The following CFH variants were observed in gnomAD, a reference collection of about 807,000 sequenced individuals.
The protein encoded by CFH is complement factor H.
A neutral mutation model predicts 147.3 loss-of-function variants in CFH; 53 were observed. The ratio of observed to expected loss-of-function variants is 0.36; its 90% CI spans 0.29 to 0.45. The LOEUF is 0.45. Ranked by LOEUF, CFH falls within the 20% of genes least tolerant of loss-of-function variation. The pLI is 1.00. For missense variants in CFH, 1,380 were observed against 1,498.0 expected (o/e 0.92, Z 1.30); for synonymous variants, 536 against 489.4 (o/e 1.10, Z -1.26).
At chr1:196,657,110 G>C (rs1042131881) in intron 1 of CFH, among the ~76,000 whole-genome samples, 1 of 151,926 alleles carries the variant, frequency 6.6e-6, no homozygotes, top group Non-Finnish European at 1.5e-5. Flanking sequence ...TCCTGCCTCA[G>C]CCTCCCACAC....
At chr1:196,725,980 T>G (rs920582220) in intron 12 of CFH, among the ~76,000 whole-genome samples, 5 of 152,150 alleles carry the variant, frequency 3.3e-5, no homozygotes, top group Admixed American at 2.0e-4. Flanking sequence ...TAATTTTCAT[T>G]TTGCTTGAAA....
At chr1:196,737,081 G>A in intron 16 of CFH, 75 bp downstream of exon 16, 1 of 1,294,640 alleles carries the variant, frequency 7.7e-7, no homozygotes, top group Non-Finnish European at 1.1e-6. Flanking sequence ...GTGTAAACAA[G>A]AGAGAAGTTC....
Position 196,737,597 on chromosome 1 carries a change from A to T in CFH, c.2719A>T (p.Ile907Leu), listed in dbSNP as rs773708885. 2 of 1,613,346 alleles carry T rather than the reference A, an allele frequency of 1.2e-6. No individual in the cohort carries two copies. Among genetic ancestry groups the T allele is most frequent in the Non-Finnish European group, 1.7e-6 (2 of 1,179,630 alleles). The part of the protein sequence containing the change: ...LSYTCEGGFR[I>L]SEENETTCYM... The stretch of plus-strand genomic sequence containing the variant: ...TTATACTTGTGAGGGTGGTTTCAGG[A>T]TATCTGAAGAAAATGAAACAACATG... Residue 907 changes from isoleucine to leucine, a missense_variant, in exon 17 of 22, where the codon ATA becomes TTA. By Grantham distance (5) the Ile-to-Leu change is conservative. Coordinates refer to ENST00000367429, the MANE Select transcript of CFH (RefSeq NM_000186.4).
At chr1:196,685,928 G>A (rs553482093) in intron 7 of CFH, among the ~76,000 whole-genome samples, 1 of 152,190 alleles carries the variant, frequency 6.6e-6, no homozygotes, top group Admixed American at 6.6e-5. Flanking sequence ...GAAGAAAAGA[G>A]GTTAAATTGA....
intron 14 of CFH, 55 bp from the exon 15 acceptor site, chr1:196,728,291 T>C (rs1669195192): frequency 8.8e-7 from 1 of 1,139,110 alleles, no homozygotes; most frequent in Non-Finnish European, 1.2e-6. Flanking sequence ...TTTTATGTAA[T>C]AGTTGGTTTG....
intron 21 of CFH, 133 bp from the exon 22 acceptor site, chr1:196,746,978 T>C (rs1558187411): frequency 2.1e-6 from 3 of 1,456,794 alleles, no homozygotes; most frequent in East Asian, 2.4e-5. Flanking sequence ...ATGATGTTTC[T>C]ACATAGTTGG....
At chr1:196,716,721 T>C (rs984216169) in intron 11 of CFH, among the ~76,000 whole-genome samples, 1 of 152,116 alleles carries the variant, frequency 6.6e-6, no homozygotes, top group South Asian at 2.1e-4. Flanking sequence ...ATTAAGGGAC[T>C]CACATGTTTG....
Position 196,726,596 on chromosome 1 carries a change from G to A in CFH, c.2000G>A (p.Gly667Glu), listed in dbSNP as rs758435912. 1 of 1,612,336 alleles carries A rather than the reference G, an allele frequency of 6.2e-7. No homozygotes were observed. Among genetic ancestry groups the A allele is most frequent in the Non-Finnish European group, 8.5e-7 (1 of 1,178,506 alleles). ...TGCAATCCTAGATTTCTAATGAAGG[G>A]ACCTAATAAAATTCAATGTGTTGAT... is the stretch of plus-strand genomic sequence containing the variant. ...YYCNPRFLMK[G>E]PNKIQCVDGE... The change falls in exon 13 of 22, where the codon GGA becomes GAA. Residue 667 changes from glycine (G) to glutamate (E), a missense_variant. Transcript: ENST00000367429.
chr1:196,660,550 A>C (rs1417956352), intron 1 of CFH, among the ~76,000 whole-genome samples: 1 of 152,204 alleles, frequency 6.6e-6, no homozygotes, highest in Admixed American at 6.5e-5. Flanking sequence ...AAAGTGACAG[A>C]TGATGATCTG....
At chr1:196,697,802 A>G (rs1668326163) in intron 9 of CFH, among the ~76,000 whole-genome samples, 1 of 152,142 alleles carries the variant, frequency 6.6e-6, no homozygotes, top group African/African-American at 2.4e-5. Context: ...TGGCACATAT[A>G]CACCATAGAA....
In CFH at chr1:196,652,123, A is replaced by G. The variant is rs1370352396; in HGVS notation, c.6A>G (p.Arg2=). The stretch of plus-strand genomic sequence containing the variant: ...CCTCTTAAAAGATCCAAAAAATGAG[A>G]CTTCTAGCAAAGATTATTTGCCTTA... M[R]LLAKIICLML... Residue 2 remains arginine (R), a synonymous_variant, in exon 1 of 22, where the codon AGA becomes AGG. Transcript: ENST00000367429. The G allele has an allele frequency of 6.2e-7, 1 of 1,609,978 alleles. No homozygotes were observed. The highest frequency in any genetic ancestry group is 2.2e-5 in the East Asian group (1 of 44,836).
chr1:196,664,489 C>T (rs1667012125), intron 1 of CFH, among the ~76,000 whole-genome samples: 1 of 152,154 alleles, frequency 6.6e-6, no homozygotes, highest in African/African-American at 2.4e-5. Context: ...CATAATGTCT[C>T]GCTACTCAGC....
At chr1:196,707,616 C>T (rs1046826063) in intron 9 of CFH, among the ~76,000 whole-genome samples, 1 of 152,126 alleles carries the variant, frequency 6.6e-6, no homozygotes, top group Non-Finnish European at 1.5e-5. Flanking sequence ...TTCACCACAG[C>T]CATATAAAAC....
chr1:196,738,460 TG>T (rs2149113891), intron 17 of CFH, among the ~76,000 whole-genome samples: 1 of 152,256 alleles, frequency 6.6e-6, no homozygotes, highest in South Asian at 2.1e-4. Flanking sequence ...CTAGACACAA[TG>T]GGGGTACAGG....
intron 9 of CFH, among the ~76,000 whole-genome samples, chr1:196,709,517 G>T (rs1422371838): frequency 6.6e-6 from 1 of 152,020 alleles, no homozygotes; most frequent in Non-Finnish European, 1.5e-5. Context: ...ATTGAGAAGG[G>T]ATCAAGCCCG....
intron 1 of CFH, among the ~76,000 whole-genome samples, chr1:196,665,667 G>A (rs1667058047): frequency 6.6e-6 from 1 of 152,104 alleles, no homozygotes; most frequent in Middle Eastern, 3.2e-3. Flanking sequence ...GAGTGCAATG[G>A]CGTGATCTTG....
chr1:196,737,962 A>G (rs1652636786), intron 17 of CFH, among the ~76,000 whole-genome samples: 1 of 152,152 alleles, frequency 6.6e-6, no homozygotes, highest in Non-Finnish European at 1.5e-5. Flanking sequence ...TACATACAAA[A>G]AAAGGTTTAA....
Position 196,689,533 on chromosome 1 carries a change from C to T in CFH, c.1078C>T (p.His360Tyr), listed in dbSNP as rs1194851804. Residue 360 changes from histidine to tyrosine, a missense_variant, in exon 8 of 22, where the codon CAT becomes TAT. Physicochemically the swap from His to Tyr is moderately conservative, Grantham distance 83 (BLOSUM62 2). This residue lies in a region of CFH where 167 missense variants were observed against 228.0 expected (regional missense o/e 0.73). Transcript: ENST00000367429. Reference sequence around the variant, plus strand: ...ATATTACTCCTATTACTGTGATGAACATTTTGAGACTCCGTCAGGAAGTTA... The same window carrying T: ...ATATTACTCCTATTACTGTGATGAATATTTTGAGACTCCGTCAGGAAGTTA... ...GKYYSYYCDE[H>Y]FETPSGSYWD... 6.2e-6 allele frequency: 10 copies of T among 1,613,392 alleles called. No homozygotes were observed. Among genetic ancestry groups the T allele is most frequent in the Admixed American group, 1.7e-5 (1 of 59,906 alleles).
intron 9 of CFH, chr1:196,700,747 G>A (rs563334959): frequency 3.4e-6 from 3 of 872,838 alleles, no homozygotes; most frequent in African/African-American, 1.8e-5. Context: ...TGCCACTGGG[G>A]CTGACCCAGA....
Sources: gnomAD v4.1 joint callset for allele counts (sites outside exome capture counted in the v4.1 genomes callset) on GRCh38, gnomAD v4.1.1 for gene constraint, gnomAD v4.1.1 regional missense constraint, MANE v1.5 for transcripts, NCBI Gene and HGNC (gene_info 2026-07-23, HGNC 2026-07-21) for gene names.